The following CTDSPL variants were observed in gnomAD, a reference collection of about 807,000 sequenced individuals.
The protein encoded by CTDSPL is CTD small phosphatase like, also known as CTD small phosphatase-like protein.
A neutral mutation model predicts 30.5 loss-of-function variants in CTDSPL; 8 were observed. That is an observed-to-expected ratio of 0.26 (90% confidence interval 0.15 to 0.47). CTDSPL has a LOEUF of 0.47. CTDSPL is among the 20% of genes least tolerant of loss of function. CTDSPL has a pLI of 0.99. For synonymous variants in CTDSPL, 110 were observed against 137.9 expected (o/e 0.80, Z 1.42); for missense variants, 248 against 366.1 (o/e 0.68, Z 2.63).
rs370003443 is a variant in CTDSPL, at chr3:37,975,740, G to A, written c.551G>A (p.Arg184His). The change falls in exon 7 of 8, where the codon CGC becomes CAC. Residue 184 changes from arginine to histidine, a missense_variant. Coordinates refer to ENST00000273179, the MANE Select transcript of CTDSPL (RefSeq NM_001008392.2). The surrounding 1 kb of genome is among the most constrained non-coding windows in gnomAD (Gnocchi z 4.9). ...YADPVADLLD[R>H]WGVFRARLFR... The stretch of plus-strand genomic sequence containing the variant: ...GACCCTGTGGCTGACCTCCTAGACC[G>A]CTGGGGTGTGTTCCGGGCCCGGCTC... The A allele has an allele frequency of 3.2e-5, 51 of 1,613,750 alleles. No individual in the cohort carries two copies. The highest frequency in any genetic ancestry group is 2.5e-4 in the East Asian group (11 of 44,892).
At chr3:37,867,004 G>A (rs11719125) in intron 1 of CTDSPL, among the ~76,000 whole-genome samples, 15,339 of 152,114 alleles carry the variant, frequency 0.1, 848 homozygotes, top group Middle Eastern at 0.16. Flanking sequence ...TTGTAAAACT[G>A]TATAGTATCA....
intron 7 of CTDSPL, among the ~76,000 whole-genome samples, chr3:37,977,573 G>T (rs1303044135): frequency 6.7e-6 from 1 of 149,366 alleles, no homozygotes; most frequent in Admixed American, 6.7e-5. Flanking sequence ...GATTAGATTC[G>T]ATTTTTTTTT....
At chr3:37,887,459 G>A (rs1313467809) in intron 1 of CTDSPL, among the ~76,000 whole-genome samples, 1 of 152,156 alleles carries the variant, frequency 6.6e-6, no homozygotes, top group African/African-American at 2.4e-5. Flanking sequence ...AAGGCTCTGG[G>A]GCACACTGCC....
chr3:37,919,476 C>A (rs1372566788), intron 1 of CTDSPL, among the ~76,000 whole-genome samples: 1 of 152,142 alleles, frequency 6.6e-6, no homozygotes, highest in East Asian at 1.9e-4. Flanking sequence ...TCACCTCCAA[C>A]TTTTTTTAAA....
chr3:37,886,070 C>T (rs894274304), intron 1 of CTDSPL, among the ~76,000 whole-genome samples: 1 of 152,200 alleles, frequency 6.6e-6, no homozygotes, highest in Non-Finnish European at 1.5e-5. Flanking sequence ...TTAGAATGAG[C>T]TTGTGCTCTG....
chr3:37,908,230 T>C (rs1337241601), intron 1 of CTDSPL, among the ~76,000 whole-genome samples: 1 of 152,236 alleles, frequency 6.6e-6, no homozygotes, highest in Non-Finnish European at 1.5e-5. Context: ...CCCCGCCAAG[T>C]GGGCGAATGT....
At chr3:37,961,502 C>T (rs1020417018) in intron 3 of CTDSPL, among the ~76,000 whole-genome samples, 2 of 152,146 alleles carry the variant, frequency 1.3e-5, no homozygotes, top group African/African-American at 2.4e-5. Context: ...TGCTCACAAA[C>T]ATGAGGCTGG....
chr3:37,865,317 C>T (rs1697997002), intron 1 of CTDSPL, among the ~76,000 whole-genome samples: 1 of 152,130 alleles, frequency 6.6e-6, no homozygotes, highest in South Asian at 2.1e-4. Context: ...GAGTTAGGAA[C>T]AAGAAAGTCG....
At chr3:37,913,013 G>T (rs756273195) in intron 1 of CTDSPL, among the ~76,000 whole-genome samples, 3 of 152,192 alleles carry the variant, frequency 2.0e-5, no homozygotes, top group Non-Finnish European at 2.9e-5. Context: ...GTAGTTTGAT[G>T]AGTGTATAAA....
chr3:37,884,668 A>G (rs957720911), intron 1 of CTDSPL, among the ~76,000 whole-genome samples: 3 of 152,192 alleles, frequency 2.0e-5, no homozygotes, highest in Non-Finnish European at 2.9e-5. Flanking sequence ...TAAAGCCCTT[A>G]GAAAGATAGG....
At chr3:37,939,734 T>G (rs187239565) in intron 1 of CTDSPL, among the ~76,000 whole-genome samples, 1 of 150,432 alleles carries the variant, frequency 6.6e-6, no homozygotes, top group East Asian at 1.9e-4. Flanking sequence ...TTTTACACAT[T>G]GCTGTTTCAC....
chr3:37,885,753 G>C (rs1027319659), intron 1 of CTDSPL, among the ~76,000 whole-genome samples: 8 of 152,130 alleles, frequency 5.3e-5, no homozygotes, highest in African/African-American at 1.2e-4. Flanking sequence ...AAAGATGTGA[G>C]AAAGTAGGTT....
Position 37,873,263 on chromosome 3 carries a change from G to A in CTDSPL, c.79+10985G>A, listed in dbSNP as rs533891812. Among the ~76,000 whole-genome samples the A allele has an allele frequency of 2.6e-5, 4 of 152,294 alleles. No homozygotes were observed. In the East Asian group the frequency reaches 7.7e-4, roughly 29 times the overall value. On this transcript the variant is annotated intron_variant, in intron 1 of 7. Coordinates refer to ENST00000273179, the MANE Select transcript of CTDSPL (RefSeq NM_001008392.2). The stretch of plus-strand genomic sequence containing the variant: ...TGAGTAGGTGTGTGGCGGAAGGGAT[G>A]GGGGTGATATTAGGCTATAGTAGAG...
intron 1 of CTDSPL, among the ~76,000 whole-genome samples, chr3:37,946,464 TG>T (rs1361313095): frequency 6.6e-6 from 1 of 152,248 alleles, no homozygotes; most frequent in Non-Finnish European, 1.5e-5. Context: ...CCCTAAGCTC[TG>T]TGGATCCAGG....
intron 2 of CTDSPL, among the ~76,000 whole-genome samples, chr3:37,950,761 A>C (rs1435525840): frequency 5.9e-5 from 9 of 152,258 alleles, no homozygotes; most frequent in African/African-American, 2.2e-4. Flanking sequence ...GCACATGCCT[A>C]GATGTATCTG....
intron 2 of CTDSPL, among the ~76,000 whole-genome samples, chr3:37,947,790 T>C (rs377359933): frequency 4.6e-5 from 7 of 152,266 alleles, no homozygotes; most frequent in Non-Finnish European, 8.8e-5. Flanking sequence ...GACTCACAAA[T>C]AGATAAAAAG....
chr3:37,863,829 G>C (rs1054563980), intron 1 of CTDSPL, among the ~76,000 whole-genome samples: 7 of 152,218 alleles, frequency 4.6e-5, no homozygotes, highest in African/African-American at 1.7e-4. Flanking sequence ...TTGCAGTTTC[G>C]TAGACCACAA....
intron 2 of CTDSPL, among the ~76,000 whole-genome samples, chr3:37,955,512 G>A (rs1027352464): frequency 1.1e-4 from 16 of 152,280 alleles, no homozygotes; most frequent in Non-Finnish European, 2.2e-4. Flanking sequence ...CTATGCAGCC[G>A]TAAAAAAGAA....
chr3:37,971,518 C>T lies in CTDSPL; in HGVS notation c.519+19C>T. On this transcript the variant is annotated intron_variant, in intron 6 of 7. Coordinates refer to ENST00000273179, the MANE Select transcript of CTDSPL (RefSeq NM_001008392.2). ...GGCCAAGGTGAGTCCTGCTTCCCAG[C>T]CCCACACTCCCAGCCTGGTACTCCC... 1 of 1,606,742 alleles carries T rather than the reference C, an allele frequency of 6.2e-7. No individual in the cohort carries two copies. The highest frequency in any genetic ancestry group is 1.7e-4 in the Middle Eastern group (1 of 6,050).
Sources: allele counts gnomAD v4.1 joint callset (sites outside exome capture counted in the v4.1 genomes callset), GRCh38; gene constraint gnomAD v4.1.1; non-coding constraint Gnocchi (gnomAD v3.1); transcripts MANE v1.5; gene names NCBI Gene and HGNC (gene_info 2026-07-23, HGNC 2026-07-21).